The following CDH12 variants were observed in gnomAD, a reference collection of about 807,000 sequenced individuals.
The protein encoded by CDH12 is cadherin-12.
Under a neutral mutation model 74.1 loss-of-function variants are expected in CDH12, and 41 were observed. That is an observed-to-expected ratio of 0.55 (90% CI 0.43 to 0.72). The LOEUF (loss-of-function observed/expected upper bound fraction) is 0.72. CDH12 is among the 30% of genes least tolerant of loss of function. The pLI is 0.00. For synonymous variants in CDH12, 399 were observed against 355.0 expected, an observed-to-expected ratio of 1.12 and a Z score of -1.39; for missense variants, 945 against 977.2, an observed-to-expected ratio of 0.97 and a Z score of 0.44.
At chr5:22,637,207 C>G (rs1007667639) in intron 1 of CDH12, among the ~76,000 whole-genome samples, 2 of 152,140 alleles carry the variant, frequency 1.3e-5, no homozygotes, top group Non-Finnish European at 2.9e-5. Flanking sequence ...AGCTTTTCAG[C>G]AATATTAAAA....
intron 1 of CDH12, among the ~76,000 whole-genome samples, chr5:22,820,836 A>G (rs1749660306): frequency 6.6e-6 from 1 of 152,180 alleles, no homozygotes; most frequent in South Asian, 2.1e-4. Flanking sequence ...TCCTTCTGAA[A>G]CTATTCCAAT....
chr5:22,825,518 A>C (rs1291911588), intron 1 of CDH12, among the ~76,000 whole-genome samples: 1 of 152,146 alleles, frequency 6.6e-6, no homozygotes, highest in Non-Finnish European at 1.5e-5. Flanking sequence ...AAAAGCCCTG[A>C]ATTGGGATTT....
intron 1 of CDH12, among the ~76,000 whole-genome samples, chr5:22,569,702 T>C (rs984182585): frequency 2.0e-5 from 3 of 152,178 alleles, no homozygotes; most frequent in African/African-American, 7.2e-5. Context: ...CCTCATCCAT[T>C]AAAGTTTTAC....
intron 1 of CDH12, among the ~76,000 whole-genome samples, chr5:22,781,403 G>A (rs555113287): frequency 3.3e-5 from 5 of 152,284 alleles, no homozygotes; most frequent in Non-Finnish European, 7.4e-5. Flanking sequence ...TGACTGTGAT[G>A]AGGCTTTTGC....
intron 1 of CDH12, among the ~76,000 whole-genome samples, chr5:22,833,059 C>T (rs184897332): frequency 7.9e-5 from 12 of 152,216 alleles, no homozygotes; most frequent in Middle Eastern, 3.4e-3. Context: ...GTTTTGCATG[C>T]CTAACTTTTT....
At position 22,837,763 on chromosome 5, in the gene CDH12, T is replaced by G. The variant is rs924832446; in HGVS notation, c.-523+15295A>C. ...TTAGATAATAAACATTAAATAGAATTTACATGGAAACTATACTTAGCTGTT... is the reference window on the plus strand; with the variant it reads ...TTAGATAATAAACATTAAATAGAATGTACATGGAAACTATACTTAGCTGTT... On this transcript the variant is annotated intron_variant, in intron 1 of 14. Coordinates refer to ENST00000382254, the MANE Select transcript of CDH12 (RefSeq NM_004061.5). Among the ~76,000 whole-genome samples the G allele has an allele frequency of 3.9e-5, 6 of 152,122 alleles. No homozygotes were observed. In the East Asian group the frequency reaches 1.2e-3, roughly 29 times the overall value.
rs1211476604 is a variant in CDH12, at chr5:22,078,654, G to A, written c.23C>T (p.Ser8Phe). The change falls in exon 5 of 15, where the codon TCC becomes TTC. Residue 8 changes from serine (S) to phenylalanine (F), a missense_variant. Ser to Phe is a radical substitution (Grantham distance 155, BLOSUM62 -2). Transcript: ENST00000382254. Reference sequence around the variant, plus strand: ...ATCAAACAGAACCCAGAGAAGCAGGGATAAACAGTTCCTTGTAAGCATTGG... The same window carrying A: ...ATCAAACAGAACCCAGAGAAGCAGGAATAAACAGTTCCTTGTAAGCATTGG... MLTRNCL[S>F]LLLWVLFDGG... is the part of the protein sequence containing the mutation. The A allele has an allele frequency of 6.2e-7, 1 of 1,613,696 alleles. No homozygotes were observed. The highest frequency in any genetic ancestry group is 8.5e-7 in the Non-Finnish European group (1 of 1,179,690).
intron 2 of CDH12, among the ~76,000 whole-genome samples, chr5:22,422,776 T>G (rs898128477): frequency 3.3e-5 from 5 of 152,166 alleles, no homozygotes; most frequent in Admixed American, 3.3e-4. Context: ...TTCAATAAAT[T>G]ATCCATGAAA....
intron 3 of CDH12, among the ~76,000 whole-genome samples, chr5:22,247,366 T>A (rs7737946): frequency 0.44 from 66,448 of 152,022 alleles, 14,885 homozygotes; most frequent in South Asian, 0.58. Flanking sequence ...AGCTACCACA[T>A]TTACATGGGA....
At chr5:22,124,659 T>C (rs747898803) in intron 4 of CDH12, among the ~76,000 whole-genome samples, 1 of 152,272 alleles carries the variant, frequency 6.6e-6, no homozygotes, top group Non-Finnish European at 1.5e-5. Context: ...CATTTATTTA[T>C]TAATTTATTT....
chr5:22,429,094 C>CTTTTATTTTA (rs1467463459), intron 2 of CDH12, among the ~76,000 whole-genome samples: 29 of 149,658 alleles, frequency 1.9e-4, no homozygotes, highest in African/African-American at 7.3e-4. Flanking sequence ...TAATATCCCA[C>CTTTTATTTTA]TTTTATTCTA....
chr5:22,613,168 T>A (rs542440388), intron 1 of CDH12, among the ~76,000 whole-genome samples: 85 of 151,992 alleles, frequency 5.6e-4, no homozygotes, highest in African/African-American at 2.0e-3. Context: ...CCTCTGCAAA[T>A]AGGAGACAGA....
At chr5:21,961,049 A>G (rs1263421263) in intron 6 of CDH12, among the ~76,000 whole-genome samples, 3 of 151,920 alleles carry the variant, frequency 2.0e-5, no homozygotes, top group South Asian at 2.1e-4. Flanking sequence ...TTGAAATTAG[A>G]CTACATTAGT....
chr5:22,742,301 T>C (rs1745069107), intron 1 of CDH12, among the ~76,000 whole-genome samples: 2 of 152,022 alleles, frequency 1.3e-5, no homozygotes, highest in South Asian at 2.1e-4. Context: ...TTATTGTCAC[T>C]GCAATCAAGA....
intron 5 of CDH12, among the ~76,000 whole-genome samples, chr5:21,986,791 TTTC>T (rs1217491961): frequency 1.3e-5 from 2 of 152,106 alleles, no homozygotes; most frequent in African/African-American, 4.8e-5. Flanking sequence ...TTACATATCA[TTTC>T]TTAATTTATT....
intron 6 of CDH12, among the ~76,000 whole-genome samples, chr5:21,946,104 C>G (rs1203108556): frequency 1.3e-5 from 2 of 152,016 alleles, no homozygotes; most frequent in African/African-American, 4.8e-5. Context: ...TGGAAGGAAA[C>G]AGATAATATT....
intron 6 of CDH12, among the ~76,000 whole-genome samples, chr5:21,867,991 G>A (rs1158030264): frequency 6.6e-6 from 1 of 152,132 alleles, no homozygotes; most frequent in Non-Finnish European, 1.5e-5. Context: ...TACTGTTCTC[G>A]TGGTAGTGAA....
At chr5:21,894,382 GAAAAA>G (rs376989106) in intron 6 of CDH12, among the ~76,000 whole-genome samples, 63 of 73,442 alleles carry the variant, frequency 8.6e-4, no homozygotes, top group Non-Finnish European at 8.4e-4. Context: ...CCGTCTCAAA[GAAAAA>G]AAAAAAAAAA....
At chr5:22,664,393 G>A (rs1037269250) in intron 1 of CDH12, among the ~76,000 whole-genome samples, 1 of 152,086 alleles carries the variant, frequency 6.6e-6, no homozygotes, top group African/African-American at 2.4e-5. Context: ...GCAGCAGGAA[G>A]GAGAAGTGCC....
Sources: allele counts gnomAD v4.1 joint callset (sites outside exome capture counted in the v4.1 genomes callset), GRCh38; gene constraint gnomAD v4.1.1; transcripts MANE v1.5; gene names NCBI Gene and HGNC (gene_info 2026-07-23, HGNC 2026-07-21).